The following CLYBL variants were observed in gnomAD, a reference collection of about 807,000 sequenced individuals.
CLYBL encodes citramalyl-CoA lyase.
A neutral mutation model predicts 38.9 loss-of-function variants in CLYBL; 31 were observed. The observed-to-expected ratio is 0.80, with a 90% CI of 0.60 to 1.08. CLYBL has a LOEUF of 1.08. Ranked by LOEUF, CLYBL falls within the 50% of genes least tolerant of loss-of-function variation. CLYBL has a pLI of 0.00. For missense variants in CLYBL, 434 were observed against 411.6 expected (o/e 1.05, Z -0.47); for synonymous variants, 171 against 158.6 (o/e 1.08, Z -0.59).
chr13:99,642,179 C>T (rs1355079170), intron 1 of CLYBL, among the ~76,000 whole-genome samples: 1 of 152,110 alleles, frequency 6.6e-6, no homozygotes, highest in Non-Finnish European at 1.5e-5. Flanking sequence ...GGCTGGGGAG[C>T]CCATTCTCAT....
chr13:99,817,453 T>G (rs1034294106), intron 2 of CLYBL, among the ~76,000 whole-genome samples: 1 of 147,712 alleles, frequency 6.8e-6, no homozygotes, highest in Non-Finnish European at 1.5e-5. Context: ...GGTCAGGAGA[T>G]TGAGACCATC....
chr13:99,798,969 G>T (rs1213486659), intron 2 of CLYBL, among the ~76,000 whole-genome samples: 1 of 152,158 alleles, frequency 6.6e-6, no homozygotes, highest in East Asian at 1.9e-4. Flanking sequence ...GACTCTTCGT[G>T]GATTAGCATT....
chr13:99,637,998 C>G (rs1208885602), intron 1 of CLYBL, among the ~76,000 whole-genome samples: 1 of 104,266 alleles, frequency 9.6e-6, no homozygotes, highest in East Asian at 3.9e-4. Context: ...AGGTCTTGCT[C>G]TGTCGCCTAG....
chr13:99,701,978 C>T lies in CLYBL; in HGVS notation c.63-70846C>T, dbSNP rs2048073721. Among the ~76,000 whole-genome samples the T allele has an allele frequency of 2.6e-5, 4 of 152,148 alleles. No homozygotes were observed. In the South Asian group the frequency reaches 6.2e-4, roughly 24 times the overall value. The stretch of plus-strand genomic sequence containing the variant: ...TTATTAACAAAGGAGTGAAGTGATA[C>T]CCCCTCTCCCCTGTAAGTAGCAGCC... On this transcript the variant is annotated intron_variant, in intron 1 of 8. Coordinates refer to ENST00000339105, the MANE Select transcript of CLYBL (RefSeq NM_206808.5).
chr13:99,681,848 A>G (rs116916334), intron 1 of CLYBL, among the ~76,000 whole-genome samples: 4,959 of 152,040 alleles, frequency 0.033, 112 homozygotes, highest in Non-Finnish European at 0.051. Flanking sequence ...GGCCCCCCAC[A>G]GTGCCAGGAT....
intron 1 of CLYBL, among the ~76,000 whole-genome samples, chr13:99,718,197 C>T (rs930312441): frequency 6.6e-6 from 1 of 151,996 alleles, no homozygotes; most frequent in Non-Finnish European, 1.5e-5. Context: ...TTTTCTACAC[C>T]CTTCCTAGGG....
chr13:99,636,074 T>G (rs2047014156), intron 1 of CLYBL, among the ~76,000 whole-genome samples: 1 of 152,226 alleles, frequency 6.6e-6, no homozygotes, highest in African/African-American at 2.4e-5. Flanking sequence ...CAGAGTACAT[T>G]TGCTAAGTTA....
At chr13:99,754,738 C>A (rs531181180) in intron 1 of CLYBL, among the ~76,000 whole-genome samples, 38 of 146,068 alleles carry the variant, frequency 2.6e-4, no homozygotes, top group African/African-American at 8.0e-4. Context: ...GCGTGTGCCA[C>A]CATGCCCAGC....
At chr13:99,712,331 CTTTT>C (rs766784946) in intron 1 of CLYBL, among the ~76,000 whole-genome samples, 2 of 120,828 alleles carry the variant, frequency 1.7e-5, no homozygotes, top group Admixed American at 8.9e-5. Flanking sequence ...TAGCAATTGA[CTTTT>C]TTTTTTTTTT....
chr13:99,766,445 C>A (rs1369379421), intron 1 of CLYBL, among the ~76,000 whole-genome samples: 1 of 152,114 alleles, frequency 6.6e-6, no homozygotes, highest in East Asian at 1.9e-4. Flanking sequence ...TCTTAAAGAT[C>A]ACTGAGTTTC....
chr13:99,689,055 G>A (rs2047860675), intron 1 of CLYBL, among the ~76,000 whole-genome samples: 2 of 152,086 alleles, frequency 1.3e-5, no homozygotes, highest in Admixed American at 1.3e-4. Context: ...CACACCCCAA[G>A]CATCACCCCT....
chr13:99,866,753 T>C (rs1316368395), intron 6 of CLYBL, among the ~76,000 whole-genome samples: 1 of 152,210 alleles, frequency 6.6e-6, no homozygotes, highest in African/African-American at 2.4e-5. Flanking sequence ...AGAATTTTGG[T>C]TGATGGACAG....
rs1213984262 is a variant in CLYBL, at chr13:99,869,380, G to A, written c.803-1558G>A. The stretch of plus-strand genomic sequence containing the variant: ...AACAATTAGGAGGAAATGACTACCA[G>A]AACTGACATCCTTTATTAACAATAT... On this transcript the variant is annotated intron_variant, in intron 6 of 8. Transcript: ENST00000339105. This position sits in a 1 kb window ranked among gnomAD's most constrained non-coding sequence, Gnocchi z 4.3. Among the ~76,000 whole-genome samples, 2 of 152,070 alleles carry A rather than the reference G, an allele frequency of 1.3e-5. No homozygotes were observed. The highest frequency in any genetic ancestry group is 2.9e-5 in the Non-Finnish European group (2 of 67,980).
At chr13:99,611,125 A>G (rs935960275) in intron 1 of CLYBL, among the ~76,000 whole-genome samples, 2 of 152,334 alleles carry the variant, frequency 1.3e-5, no homozygotes, top group East Asian at 3.9e-4. Context: ...GAGCTGGGGA[A>G]GAGGGATAGG....
At chr13:99,900,363 TGTC>T (rs1319893520), downstream of CLYBL, among the ~76,000 whole-genome samples, 2 of 152,134 alleles carry the variant, frequency 1.3e-5, no homozygotes, top group African/African-American at 2.4e-5. Flanking sequence ...CTTTTGTTGT[TGTC>T]GTTGTTATTA....
At chr13:99,871,491 T>C (rs1342665536) in intron 7 of CLYBL, among the ~76,000 whole-genome samples, 1 of 151,304 alleles carries the variant, frequency 6.6e-6, no homozygotes. Flanking sequence ...GGGAAAAAAG[T>C]ACAGAAATCT....
chr13:99,657,903 C>T (rs892610690), intron 1 of CLYBL, among the ~76,000 whole-genome samples: 2 of 152,216 alleles, frequency 1.3e-5, no homozygotes, highest in African/African-American at 4.8e-5. Flanking sequence ...GAACAGAAGC[C>T]AAGTCGGCTT....
chr13:99,744,971 A>G (rs1327530443), intron 1 of CLYBL, among the ~76,000 whole-genome samples: 1 of 152,014 alleles, frequency 6.6e-6, no homozygotes, highest in African/African-American at 2.4e-5. Context: ...ACCTGCAACA[A>G]CCTTTCAATC....
In CLYBL at chr13:99,817,190, T is replaced by C. The variant is rs141388595; in HGVS notation, c.250-41671T>C. 7.9e-5 allele frequency among the ~76,000 whole-genome samples: 12 copies of C among 152,346 alleles called. No individual in the cohort carries two copies. The East Asian group carries it at 2.3e-3, about 29-fold the overall frequency. The stretch of plus-strand genomic sequence containing the variant: ...AAAAGAAGACTAGATTGTAATTGGG[T>C]GTCCTTAGATGTAGAACAACTCTCC... On this transcript the variant is annotated intron_variant, in intron 2 of 8. Coordinates refer to ENST00000339105, the MANE Select transcript of CLYBL (RefSeq NM_206808.5).
Sources: gnomAD v4.1 joint callset for allele counts (sites outside exome capture counted in the v4.1 genomes callset) on GRCh38, gnomAD v4.1.1 for gene constraint, Gnocchi (gnomAD v3.1) non-coding constraint, MANE v1.5 for transcripts, NCBI Gene and HGNC (gene_info 2026-07-23, HGNC 2026-07-21) for gene names.